Variants in CFAP92 observed in about 807,000 individuals in gnomAD.
The protein encoded by CFAP92 is cilia and flagella associated protein 92 (putative), also known as uncharacterized protein CFAP92.
In CFAP92, 86 loss-of-function variants were observed where a neutral mutation model predicts 106.3. The observed-to-expected ratio is 0.81, with a 90% confidence interval of 0.68 to 0.97. CFAP92 has a LOEUF of 0.97. Among genes scored for constraint, CFAP92 ranks in the 50% least tolerant of loss-of-function variants. The probability of loss-of-function intolerance (pLI) is 0.00; values close to 1 mark genes in which losing one functional copy is unlikely to be tolerated. For missense variants in CFAP92, 1,204 were observed against 1,283.8 expected (o/e 0.94, Z 0.95); for synonymous variants, 477 against 506.4 (o/e 0.94, Z 0.78).
chr3:129,020,360 G>A, the CFAP92 span, among the ~76,000 whole-genome samples: 1 of 152,272 alleles, frequency 6.6e-6, no homozygotes, highest in East Asian at 1.9e-4. Context: ...TGGGAAGGCT[G>A]GACAGATGGC....
chr3:128,910,135 A>AACCACG lies in CFAP92; in HGVS notation c.*158_*163dup, dbSNP rs1448236232. The AACCACG allele has an allele frequency of 6.2e-7, 1 of 1,614,048 alleles. No homozygotes were observed. The highest frequency in any genetic ancestry group is 8.5e-7 in the Non-Finnish European group (1 of 1,180,032). On this transcript the variant is annotated 3_prime_UTR_variant, in exon 16 of 16. Transcript: ENST00000645291. ...CCGCTCCATCCGCATTGGGCTCCGC[A>AACCACG]ACCACGACCACGAGGTGAGCCCAGC... is the stretch of plus-strand genomic sequence containing the variant.
chr3:128,950,282 C>T (rs1940653515), intron 9 of CFAP92, among the ~76,000 whole-genome samples: 1 of 152,192 alleles, frequency 6.6e-6, no homozygotes, highest in African/African-American at 2.4e-5. Context: ...CCCACCAACG[C>T]CCCACTCAGA....
At chr3:128,936,036 T>C (rs1205186854) in intron 10 of CFAP92, among the ~76,000 whole-genome samples, 2 of 152,256 alleles carry the variant, frequency 1.3e-5, no homozygotes, top group African/African-American at 4.8e-5. Context: ...GCTCATGGCC[T>C]GTGCCTGTCT....
chr3:128,988,966 A>C, intron 2 of CFAP92, 48 bp from the exon 3 acceptor site: 4 of 1,432,498 alleles, frequency 2.8e-6, no homozygotes, highest in Non-Finnish European at 3.9e-6. Context: ...CATGTGGAAA[A>C]GCAGACCCGT....
At chr3:128,965,909 AGAATT>A (rs1487881348) in intron 8 of CFAP92, among the ~76,000 whole-genome samples, 1 of 152,110 alleles carries the variant, frequency 6.6e-6, no homozygotes, top group Admixed American at 6.5e-5. Flanking sequence ...TAAATTCTCT[AGAATT>A]GAATTTGTGT....
At chr3:128,993,644 C>G (rs1944355817) in intron 1 of CFAP92, 1 of 362,016 alleles carries the variant, frequency 2.8e-6, no homozygotes, top group South Asian at 2.6e-5. Flanking sequence ...GTGAGCAGCT[C>G]CCGGGAGCCA....
the CFAP92 span, among the ~76,000 whole-genome samples, chr3:129,022,534 C>T: frequency 6.6e-6 from 1 of 152,190 alleles, no homozygotes; most frequent in East Asian, 1.9e-4. Flanking sequence ...CCAGATGTGG[C>T]CATCAGCCTC....
At chr3:129,015,247 T>A in the CFAP92 span, among the ~76,000 whole-genome samples, 2,333 of 151,976 alleles carry the variant, frequency 0.015, 56 homozygotes, top group African/African-American at 0.054. Flanking sequence ...CCCTCCACCA[T>A]CCCCAAGCCT....
intron 12 of CFAP92, among the ~76,000 whole-genome samples, chr3:128,927,321 A>G (rs200311921): frequency 2.0e-5 from 3 of 150,724 alleles, no homozygotes; most frequent in Non-Finnish European, 3.0e-5. Flanking sequence ...AGGCAGAAGG[A>G]AAGGAAGGAA....
At chr3:129,017,657 C>G in the CFAP92 span, among the ~76,000 whole-genome samples, 2 of 152,212 alleles carry the variant, frequency 1.3e-5, no homozygotes, top group African/African-American at 4.8e-5. Context: ...CCTTCTCACA[C>G]TTCACATCTC....
Position 128,945,095 on chromosome 3 carries a change from T to A in CFAP92, c.2234A>T (p.Gln745Leu). The change falls in exon 10 of 16, where the codon CAG becomes CTG. Residue 745 changes from glutamine (Q) to leucine (L), a missense_variant. Physicochemically the swap from Gln to Leu is moderately radical, Grantham distance 113 (BLOSUM62 -2). Coordinates refer to ENST00000645291, the MANE Select transcript of CFAP92 (RefSeq NM_001394090.1). ...CCAGCTTTGGTGGTTCTCCCACAGC[T>A]GCCTCAAGCCTTGGTCGGCCAGGCC... ...LEGLADQGLR[Q>L]LWENHQSWIP... 1 of 1,529,226 alleles carries A rather than the reference T, an allele frequency of 6.5e-7. No homozygotes were observed. The highest frequency in any genetic ancestry group is 1.2e-5 in the South Asian group (1 of 83,532). The allele number at this position is 1,529,226 out of a possible 1,614,324, so 94.7% of individuals were successfully genotyped here.
intron 5 of CFAP92, 75 bp downstream of exon 5, chr3:128,977,970 T>C: frequency 3.1e-6 from 5 of 1,588,776 alleles, no homozygotes; most frequent in Non-Finnish European, 4.3e-6. Context: ...GATGCATTGC[T>C]CCAGCACACC....
intron 9 of CFAP92, among the ~76,000 whole-genome samples, chr3:128,946,618 C>G (rs762055945): frequency 1.4e-4 from 22 of 152,216 alleles, no homozygotes; most frequent in Non-Finnish European, 2.8e-4. Context: ...AATCTAAAGG[C>G]ACTATTTATT....
chr3:128,981,122 T>C (rs1226359061), intron 4 of CFAP92, among the ~76,000 whole-genome samples: 4 of 148,972 alleles, frequency 2.7e-5, no homozygotes, highest in East Asian at 4.0e-4. Context: ...TTGCAAGCTC[T>C]GCCTCCCAGG....
chr3:128,925,787 AAAC>A, intron 12 of CFAP92, among the ~76,000 whole-genome samples: 1 of 152,174 alleles, frequency 6.6e-6, no homozygotes, highest in East Asian at 1.9e-4. Context: ...AAGAAAATAA[AAAC>A]AAAAAATTTA....
chr3:128,957,265 G>T (rs979839360), intron 9 of CFAP92, among the ~76,000 whole-genome samples: 7 of 152,148 alleles, frequency 4.6e-5, no homozygotes, highest in African/African-American at 1.4e-4. Flanking sequence ...AGTTTTCTAG[G>T]TTATGTGTTA....
Position 128,993,329 on chromosome 3 carries a change from C to T in CFAP92, c.-25G>A, listed in dbSNP as rs538644851. On this transcript the variant is annotated 5_prime_UTR_variant, in exon 2 of 16. Transcript: ENST00000645291. Reference sequence around the variant, plus strand: ...TGCTGCAGAGCGCACTGCTGGCCGCCGGCGCTCCTGGCAGGGAGAAAGTGA... The same window carrying T: ...TGCTGCAGAGCGCACTGCTGGCCGCTGGCGCTCCTGGCAGGGAGAAAGTGA... 12 of 1,598,656 alleles carry T rather than the reference C, an allele frequency of 7.5e-6. 1 individual carries two copies. The Admixed American group carries it at 1.6e-4, about 21-fold the overall frequency.
chr3:128,921,570 G>T (rs1937284886), intron 12 of CFAP92, among the ~76,000 whole-genome samples: 1 of 152,182 alleles, frequency 6.6e-6, no homozygotes, highest in Admixed American at 6.5e-5. Flanking sequence ...CCATTTCTTG[G>T]GCCATTGTTT....
chr3:129,025,835 T>C, the CFAP92 span, among the ~76,000 whole-genome samples: 1 of 152,250 alleles, frequency 6.6e-6, no homozygotes, highest in Non-Finnish European at 1.5e-5. Flanking sequence ...TCCTCATCTG[T>C]CCTGCTCTCC....
Sources: gnomAD v4.1 joint callset for allele counts (sites outside exome capture counted in the v4.1 genomes callset) on GRCh38, gnomAD v4.1.1 for gene constraint, MANE v1.5 for transcripts, NCBI Gene and HGNC (gene_info 2026-07-23, HGNC 2026-07-21) for gene names.